NDRG2: variants seen among roughly 807,000 people sequenced by gnomAD.
NDRG2 encodes the protein NDRG family member 2.
In NDRG2, 34 loss-of-function variants were observed where a neutral mutation model predicts 58.2. That is an observed-to-expected ratio of 0.58 (90% CI 0.44 to 0.78). The LOEUF (loss-of-function observed/expected upper bound fraction) is 0.78, where lower values mean the gene tolerates loss of function less well. Among genes scored for constraint, NDRG2 ranks in the 30% least tolerant of loss-of-function variants. The pLI, the probability that NDRG2 is intolerant of heterozygous loss-of-function variation, is 0.00. For missense variants in NDRG2, 434 were observed against 471.2 expected, an observed-to-expected ratio of 0.92 and a Z score of 0.73; for synonymous variants, 187 against 175.9, an observed-to-expected ratio of 1.06 and a Z score of -0.50.
chr14:21,063,578 G>A (rs1594524365), intron 1 of NDRG2, among the ~76,000 whole-genome samples: 3 of 152,252 alleles, frequency 2.0e-5, no homozygotes, highest in East Asian at 1.9e-4. Flanking sequence ...AGTTTTATCC[G>A]CTGCTTGGCA....
chr14:21,032,236 A>C (rs1243462), intron 1 of NDRG2: 1 of 771,892 alleles, frequency 1.3e-6, no homozygotes, highest in Non-Finnish European at 2.2e-6. Context: ...GAGGCAGCAC[A>C]GGAGGGTGGG....
intron 1 of NDRG2, chr14:21,043,728 C>T (rs1415057444): frequency 4.9e-6 from 2 of 409,274 alleles, no homozygotes; most frequent in African/African-American, 4.1e-5. Context: ...TGCCATTGCA[C>T]ATGTCTCCCC....
intron 1 of NDRG2, among the ~76,000 whole-genome samples, chr14:21,047,321 C>T (rs1211918095): frequency 6.6e-6 from 1 of 152,024 alleles, no homozygotes; most frequent in African/African-American, 2.4e-5. Flanking sequence ...AGAGTACTCA[C>T]CAATATTTGG....
intron 10 of NDRG2, 174 bp downstream of exon 10, chr14:21,019,465 T>G (rs967442877): frequency 6.5e-6 from 4 of 611,062 alleles, no homozygotes; most frequent in Admixed American, 3.0e-5. Context: ...GACAGCCCCT[T>G]GCAATCCTTC....
intron 1 of NDRG2, among the ~76,000 whole-genome samples, chr14:21,068,855 C>T (rs2139179559): frequency 6.6e-6 from 1 of 152,346 alleles, no homozygotes; most frequent in South Asian, 2.1e-4. Context: ...CTTTTCCAGG[C>T]TCAGCGGAGC....
chr14:21,051,303 G>A (rs1885455180), intron 1 of NDRG2, among the ~76,000 whole-genome samples: 1 of 152,160 alleles, frequency 6.6e-6, no homozygotes, highest in African/African-American at 2.4e-5. Flanking sequence ...AATAGACATA[G>A]AGCACTTGGA....
At chr14:21,023,017 G>T in intron 2 of NDRG2, 112 bp from the exon 3 acceptor site, 2 of 1,269,636 alleles carry the variant, frequency 1.6e-6, no homozygotes, top group Non-Finnish European at 2.3e-6. Flanking sequence ...AATGACCAAA[G>T]ACAGAAAGAG....
chr14:21,022,350 C>T lies in NDRG2; in HGVS notation c.223+42G>A, dbSNP rs754080580. ...TTTCATTTCTACCCTTCCCCCACAG[C>T]CTCTTCCCAGACAGGAGTGGGAGAT... On this transcript the variant is annotated intron_variant, in intron 4 of 15. Transcript: ENST00000556147. The T allele has an allele frequency of 5.7e-6, 9 of 1,589,000 alleles. No individual in the cohort carries two copies. The East Asian group carries it at 2.0e-4, about 36-fold the overall frequency.
At chr14:21,019,363 G>C (rs898688817) in intron 10 of NDRG2, among the ~76,000 whole-genome samples, 2 of 152,198 alleles carry the variant, frequency 1.3e-5, no homozygotes, top group African/African-American at 2.4e-5. Flanking sequence ...TCCCTGGTCA[G>C]AGGGCAACAA....
upstream of NDRG2, chr14:21,025,679 C>T: frequency 1.0e-6 from 1 of 985,290 alleles, no homozygotes; most frequent in Middle Eastern, 5.2e-4. This position sits in a 1 kb window ranked among gnomAD's most constrained non-coding sequence, Gnocchi z 5.1. Context: ...CCTGGTACCT[C>T]TCCTCTCTTT....
At chr14:21,057,385 A>G (rs180965503) in intron 1 of NDRG2, among the ~76,000 whole-genome samples, 107 of 151,990 alleles carry the variant, frequency 7.0e-4, no homozygotes, top group African/African-American at 2.5e-3. Context: ...GCAGTGAGCC[A>G]AGATCGCGCC....
chr14:21,044,861 T>A (rs1885076855), intron 1 of NDRG2, among the ~76,000 whole-genome samples: 1 of 152,232 alleles, frequency 6.6e-6, no homozygotes. Flanking sequence ...TCAACTCCTG[T>A]GCTTTTTTAC....
intron 1 of NDRG2, among the ~76,000 whole-genome samples, chr14:21,059,105 C>G (rs1342469369): frequency 6.6e-6 from 1 of 152,168 alleles, no homozygotes; most frequent in Non-Finnish European, 1.5e-5. Context: ...ACAGGCTGAG[C>G]CCTGGGATGC....
intron 1 of NDRG2, 111 bp from the exon 2 acceptor site, chr14:21,023,432 G>C (rs1881944413): frequency 6.2e-6 from 6 of 962,936 alleles, no homozygotes; most frequent in Non-Finnish European, 9.5e-6. Flanking sequence ...GAGGGACCCA[G>C]GGGTTGAAGA....
rs927049740 is a variant in NDRG2, at chr14:21,024,803, G to A, written c.-780C>T. 2 of 985,502 alleles carry A rather than the reference G, an allele frequency of 2.0e-6. No homozygotes were observed. The highest frequency in any genetic ancestry group is 3.5e-5 in the African/African-American group (2 of 57,236). The allele number at this position is 985,502 out of a possible 1,614,324, so 61.0% of individuals were successfully genotyped here. ...CGCGTGGAGACTGACACCCTTGCGT[G>A]GCCGGTGCCAAGCGCCCCGGACCTT... On this transcript the variant is annotated 5_prime_UTR_variant, in exon 1 of 16. Coordinates refer to ENST00000556147, the MANE Select transcript of NDRG2 (RefSeq NM_001320329.2).
intron 1 of NDRG2, among the ~76,000 whole-genome samples, chr14:21,057,617 T>TTATATATATATATATATATATA (rs1344480231): frequency 3.3e-5 from 1 of 30,474 alleles, no homozygotes; most frequent in African/African-American, 1.2e-4. Flanking sequence ...CTCATTTTAT[T>TTATATATATATATATATATATA]CATATATATA....
At chr14:21,051,249 G>C (rs1211430241) in intron 1 of NDRG2, among the ~76,000 whole-genome samples, 3 of 152,156 alleles carry the variant, frequency 2.0e-5, no homozygotes, top group Non-Finnish European at 4.4e-5. Context: ...GTAGTCATGG[G>C]GCTAGGGCAT....
chr14:21,037,872 T>G (rs190894598), intron 1 of NDRG2, among the ~76,000 whole-genome samples: 9 of 152,282 alleles, frequency 5.9e-5, no homozygotes, highest in African/African-American at 1.4e-4. Context: ...ATTTACACAT[T>G]CTCTCCCTTC....
chr14:21,067,985 T>TCTCCA (rs1566514089), intron 1 of NDRG2, among the ~76,000 whole-genome samples: 1 of 4,288 alleles, frequency 2.3e-4, no homozygotes, highest in East Asian at 2.1e-3. Flanking sequence ...CTCCCCTTTT[T>TCTCCA]TTTTTTTTTT....
Sources: gnomAD v4.1 joint callset for allele counts (sites outside exome capture counted in the v4.1 genomes callset) on GRCh38, gnomAD v4.1.1 for gene constraint, Gnocchi (gnomAD v3.1) non-coding constraint, MANE v1.5 for transcripts, NCBI Gene and HGNC (gene_info 2026-07-23, HGNC 2026-07-21) for gene names.